Variants in DMD observed in about 807,000 individuals in gnomAD.
DMD encodes the protein mutant dystrophin.
Under a neutral mutation model 330.1 loss-of-function variants are expected in DMD, and 63 were observed. The observed-to-expected ratio is 0.19, with a 90% CI of 0.16 to 0.24. The LOEUF (loss-of-function observed/expected upper bound fraction) is 0.24. Among genes scored for constraint, DMD ranks in the 10% least tolerant of loss-of-function variants. The pLI, the probability that DMD is intolerant of heterozygous loss-of-function variation, is 1.00. For missense variants in DMD, 3,344 were observed against 2,684.1 expected, an observed-to-expected ratio of 1.25 and a Z score of -5.43; for synonymous variants, 1,223 against 959.8, an observed-to-expected ratio of 1.27 and a Z score of -5.07.
intron 33 of DMD, among the ~76,000 whole-genome samples, chrX:32,383,247 C>T (rs1200698453): frequency 9.0e-6 from 1 of 110,696 alleles, no homozygotes; most frequent in Non-Finnish European, 1.9e-5. Context: ...TCCCAGACTC[C>T]ACACTTGCAG....
chrX:31,482,827 G>A (rs959804325), intron 57 of DMD, among the ~76,000 whole-genome samples: 8 of 111,105 alleles, frequency 7.2e-5, no homozygotes, highest in Admixed American at 1.9e-4. Flanking sequence ...AGTGAAAGAC[G>A]GAAGCTAGCA....
At chrX:32,438,953 C>G (rs1185733292) in intron 28 of DMD, among the ~76,000 whole-genome samples, 5 of 111,349 alleles carry the variant, frequency 4.5e-5, no homozygotes, top group Admixed American at 1.9e-4. Flanking sequence ...CTATTCTTTT[C>G]GTGGTGAGAA....
intron 1 of DMD, among the ~76,000 whole-genome samples, chrX:33,052,305 C>A (rs901532706): frequency 8.9e-6 from 1 of 111,816 alleles, no homozygotes; most frequent in East Asian, 2.8e-4. Flanking sequence ...CTTCAACATA[C>A]AAATGGCTGT....
At chrX:31,857,068 A>C (rs2093624177) in intron 48 of DMD, among the ~76,000 whole-genome samples, 1 of 111,264 alleles carries the variant, frequency 9.0e-6, no homozygotes, top group African/African-American at 3.3e-5. Context: ...ATGCTTACCA[A>C]AATTATTAAT....
At chrX:32,342,321 C>T in intron 40 of DMD, 39 bp from the exon 41 acceptor site, 1 of 1,189,620 alleles carries the variant, frequency 8.4e-7, no homozygotes, top group Non-Finnish European at 1.1e-6. Flanking sequence ...GGGCAGTTAG[C>T]TAACCACATC....
rs772914510 is a variant in DMD at position 31,319,598 on chromosome X, G to A, written c.9224+4000C>T. 3.6e-4 allele frequency among the ~76,000 whole-genome samples: 40 copies of A among 112,329 alleles called. No individual in the cohort carries two copies. The South Asian group carries it at 0.014, about 41-fold the overall frequency. On this transcript the variant is annotated intron_variant, in intron 62 of 78. Transcript: ENST00000357033. Reference sequence around the variant, plus strand: ...ATTAAGAAGTGGTCATGATGTATCCGAATTTTTAAGGTAAAATGTACTAGG... The same window carrying A: ...ATTAAGAAGTGGTCATGATGTATCCAAATTTTTAAGGTAAAATGTACTAGG...
intron 53 of DMD, among the ~76,000 whole-genome samples, chrX:31,661,396 C>A (rs1413983217): frequency 2.7e-5 from 3 of 109,461 alleles, no homozygotes; most frequent in Non-Finnish European, 5.7e-5. Context: ...ACATTCCCCA[C>A]ACAGAATGTT....
chrX:31,453,765 C>CAAAAAAAAAACAAA (rs2065935012), intron 59 of DMD, among the ~76,000 whole-genome samples: 1 of 8,983 alleles, frequency 1.1e-4, no homozygotes, highest in African/African-American at 5.0e-4. Flanking sequence ...AAAAAACAAG[C>CAAAAAAAAAACAAA]AAAAAAAAAA....
chrX:31,456,324 T>C (rs1186349107), intron 59 of DMD, among the ~76,000 whole-genome samples: 1 of 112,160 alleles, frequency 8.9e-6, no homozygotes. Flanking sequence ...TTCAGGCTAG[T>C]CCAGGGAGAC....
chrX:31,917,035 T>C (rs1312037787), intron 47 of DMD, among the ~76,000 whole-genome samples: 1 of 111,640 alleles, frequency 9.0e-6, no homozygotes, highest in Non-Finnish European at 1.9e-5. Context: ...TTGAATGGGA[T>C]TGGTGGTCAA....
At chrX:33,292,079 G>C (rs1321703811) in intron 1 of DMD, among the ~76,000 whole-genome samples, 2 of 111,233 alleles carry the variant, frequency 1.8e-5, no homozygotes, top group South Asian at 3.8e-4. Flanking sequence ...CGGTGGGTTT[G>C]TTTTCATTCC....
intron 13 of DMD, among the ~76,000 whole-genome samples, chrX:32,590,476 A>G (rs774858602): frequency 1.8e-5 from 2 of 111,607 alleles, no homozygotes; most frequent in South Asian, 7.6e-4. Context: ...TGACATGTGG[A>G]CCAGTGGACT....
chrX:31,840,526 C>T (rs2093296770), intron 48 of DMD, among the ~76,000 whole-genome samples: 1 of 104,792 alleles, frequency 9.5e-6, no homozygotes, highest in African/African-American at 3.5e-5. Context: ...CTGAGTTTTG[C>T]CTTATTGGCT....
intron 21 of DMD, among the ~76,000 whole-genome samples, chrX:32,474,202 CAT>C (rs1402718527): frequency 0.014 from 407 of 28,790 alleles, 2 homozygotes; most frequent in African/African-American, 0.023. Flanking sequence ...TATATACATA[CAT>C]ACATACACAC....
At chrX:32,717,812 C>T (rs935307662) in intron 7 of DMD, among the ~76,000 whole-genome samples, 5 of 111,510 alleles carry the variant, frequency 4.5e-5, no homozygotes, top group Admixed American at 2.9e-4. Flanking sequence ...GGAGCCTGTC[C>T]CTTGCATCAC....
chrX:32,735,626 T>C (rs1353033224), intron 7 of DMD, among the ~76,000 whole-genome samples: 2 of 111,254 alleles, frequency 1.8e-5, no homozygotes, highest in Non-Finnish European at 3.8e-5. Context: ...TCTACCACTA[T>C]CTGATCTTTG....
In DMD at chrX:32,573,671, A is replaced by G. The variant is rs748089588; in HGVS notation, c.1705-34T>C. ...CATTAAAGAATTCCAAGGAATAAAT[A>G]AACATAAATCTTTACTTTTCCAATT... On this transcript the variant is annotated intron_variant, in intron 14 of 78. Transcript: ENST00000357033. 2.0e-5 allele frequency: 24 copies of G among 1,196,911 alleles called. 1 individual carries two copies. The highest frequency in any genetic ancestry group is 7.0e-5 in the African/African-American group (4 of 57,008).
intron 4 of DMD, among the ~76,000 whole-genome samples, chrX:32,842,208 C>T (rs373344433): frequency 1.8e-5 from 2 of 111,928 alleles, no homozygotes; most frequent in East Asian, 2.8e-4. Flanking sequence ...TGACAATCAG[C>T]GAAACGGACA....
At chrX:32,177,792 C>G (rs940412051) in intron 44 of DMD, among the ~76,000 whole-genome samples, 2 of 110,904 alleles carry the variant, frequency 1.8e-5, no homozygotes, top group African/African-American at 3.3e-5. Context: ...GAGCTAAATA[C>G]TTATTTGTTG....
Sources: allele counts gnomAD v4.1 joint callset (sites outside exome capture counted in the v4.1 genomes callset), GRCh38; gene constraint gnomAD v4.1.1; transcripts MANE v1.5; gene names NCBI Gene and HGNC (gene_info 2026-07-23, HGNC 2026-07-21).